The following OSBPL10 variants were observed in gnomAD, a reference collection of about 807,000 sequenced individuals.
OSBPL10 encodes oxysterol binding protein like 10.
A neutral mutation model predicts 81.7 loss-of-function variants in OSBPL10; 49 were observed. The observed-to-expected ratio is 0.60, with a 90% CI of 0.48 to 0.76. OSBPL10 has a LOEUF of 0.76. Among genes scored for constraint, OSBPL10 ranks in the 30% least tolerant of loss-of-function variants. OSBPL10 has a pLI of 0.00. For missense variants in OSBPL10, 923 were observed against 987.8 expected (o/e 0.93, Z 0.88); for synonymous variants, 419 against 383.6 (o/e 1.09, Z -1.08).
Position 32,035,898 on chromosome 3 carries a change from A to C in OSBPL10, n.298+10593T>G, listed in dbSNP as rs540668955. The stretch of plus-strand genomic sequence containing the variant: ...ACCATCACTACCATCTATCTCCAGA[A>C]CTGTTTTCATCTTCCCAAATTGAAA... On this transcript the variant is annotated intron_variant and non_coding_transcript_variant, in intron 2 of 3. Transcript: ENST00000479173. Among the ~76,000 whole-genome samples the C allele has an allele frequency of 3.9e-5, 6 of 152,224 alleles. No homozygotes were observed. In the East Asian group the frequency reaches 1.2e-3, roughly 29 times the overall value.
rs1317226488 is a variant in OSBPL10 at position 32,061,703 on chromosome 3, A to G, written n.186-15100T>C. On this transcript the variant is annotated intron_variant and non_coding_transcript_variant, in intron 1 of 3. Transcript: ENST00000479173. ...CAGGCTGGAGTACAGTGGCACAATG[A>G]TCACAGCTCACTGCAGCCTTGACCT... is the stretch of plus-strand genomic sequence containing the variant. Among the ~76,000 whole-genome samples the G allele has an allele frequency of 2.2e-5, 2 of 92,270 alleles. 1 individual carries two copies. The highest frequency in any genetic ancestry group is 5.6e-5 in the African/African-American group (2 of 35,884). 60.5% of individuals were successfully genotyped at this position (92,270 alleles called of 152,430 possible).
intron 1 of OSBPL10, among the ~76,000 whole-genome samples, chr3:32,068,344 G>T (rs998625451): frequency 2.6e-5 from 4 of 151,950 alleles, no homozygotes; most frequent in African/African-American, 7.3e-5. Flanking sequence ...ACATTCCCTT[G>T]GTGGCAAGTC....
chr3:32,014,240 A>G (rs1466053474), intron 2 of OSBPL10, among the ~76,000 whole-genome samples: 1 of 152,236 alleles, frequency 6.6e-6, no homozygotes, highest in African/African-American at 2.4e-5. Flanking sequence ...CAAAAAGCTT[A>G]TCCACCATGA....
At chr3:31,878,814 CATGTGTGTGTGTGTGTGT>C (rs1701547637) in intron 2 of OSBPL10, among the ~76,000 whole-genome samples, 1 of 104,734 alleles carries the variant, frequency 9.5e-6, no homozygotes, top group Non-Finnish European at 2.1e-5. Flanking sequence ...TCTGCGTGTC[CATGTGTGTGTGTGTGTGT>C]GTGTGTGTGT....
At chr3:31,670,299 A>G (rs1417607897) in intron 9 of OSBPL10, among the ~76,000 whole-genome samples, 1 of 152,254 alleles carries the variant, frequency 6.6e-6, no homozygotes, top group Non-Finnish European at 1.5e-5. Context: ...CTGCAGCAAT[A>G]AAAACAATTT....
At chr3:31,787,577 A>G (rs142482328) in intron 4 of OSBPL10, among the ~76,000 whole-genome samples, 13,726 of 146,436 alleles carry the variant, frequency 0.094, 862 homozygotes, top group African/African-American at 0.19. Context: ...CCTGGACGAC[A>G]GAGCAAGACT....
intron 8 of OSBPL10, among the ~76,000 whole-genome samples, chr3:31,675,945 C>CAAA (rs773575072): frequency 0.046 from 2,724 of 59,040 alleles, 71 homozygotes; most frequent in Non-Finnish European, 0.077. Context: ...GACTCCATCT[C>CAAA]AAAAAAAAAA....
intron 2 of OSBPL10, chr3:32,030,571 G>A: frequency 2.5e-6 from 2 of 816,160 alleles, no homozygotes; most frequent in Non-Finnish European, 4.4e-6. Context: ...ACGTACCTGG[G>A]TTCAACTGAA....
At chr3:32,012,737 G>T (rs765482387) in intron 2 of OSBPL10, among the ~76,000 whole-genome samples, 1 of 152,122 alleles carries the variant, frequency 6.6e-6, no homozygotes. Context: ...AAAATAAAGG[G>T]ATGGAGAAAG....
chr3:32,026,630 C>A (rs1192965702), intron 2 of OSBPL10, among the ~76,000 whole-genome samples: 1 of 152,178 alleles, frequency 6.6e-6, no homozygotes, highest in Non-Finnish European at 1.5e-5. Flanking sequence ...ACGCAGAAAA[C>A]CCTACCGTTA....
chr3:31,858,480 T>TAC (rs1575586578), intron 3 of OSBPL10, among the ~76,000 whole-genome samples: 1 of 152,148 alleles, frequency 6.6e-6, no homozygotes, highest in East Asian at 1.9e-4. Flanking sequence ...GAAAGCACAG[T>TAC]ACCCCTCACG....
intron 4 of OSBPL10, among the ~76,000 whole-genome samples, chr3:31,770,375 C>A (rs1698344563): frequency 6.6e-6 from 1 of 152,094 alleles, no homozygotes; most frequent in Non-Finnish European, 1.5e-5. Context: ...AAGCATTTAT[C>A]CTGTGTGGTC....
chr3:31,754,207 C>T (rs1697817222), intron 4 of OSBPL10, among the ~76,000 whole-genome samples: 1 of 152,152 alleles, frequency 6.6e-6, no homozygotes, highest in Non-Finnish European at 1.5e-5. Flanking sequence ...CCCCTGGGGA[C>T]ACTGCTCCTC....
At chr3:31,809,527 A>G (rs940483427) in intron 4 of OSBPL10, among the ~76,000 whole-genome samples, 24 of 152,344 alleles carry the variant, frequency 1.6e-4, no homozygotes, top group Admixed American at 1.6e-3. Flanking sequence ...ACTCCGAATA[A>G]AAGTGCCAGT....
At chr3:31,945,789 G>A (rs1256907270) in intron 1 of OSBPL10, among the ~76,000 whole-genome samples, 2 of 152,118 alleles carry the variant, frequency 1.3e-5, no homozygotes, top group African/African-American at 4.8e-5. Flanking sequence ...CCTGAGACCT[G>A]GAGAATATTT....
chr3:31,718,724 C>G (rs1301482979), intron 6 of OSBPL10: 1 of 152,138 alleles, frequency 6.6e-6, no homozygotes, highest in African/African-American at 2.4e-5. Context: ...ACTTTTCTGT[C>G]ATTAAGTGTT....
At chr3:31,972,325 G>A (rs1486341169) in intron 1 of OSBPL10, among the ~76,000 whole-genome samples, 2 of 152,226 alleles carry the variant, frequency 1.3e-5, no homozygotes, top group African/African-American at 4.8e-5. Context: ...GGAGGTGGAA[G>A]TTGCAGTGAG....
chr3:31,812,066 T>G (rs1699695487), intron 4 of OSBPL10, among the ~76,000 whole-genome samples: 1 of 152,212 alleles, frequency 6.6e-6, no homozygotes, highest in Admixed American at 6.5e-5. Context: ...TTGCTCTTGT[T>G]GCCCAGGCTG....
At chr3:31,805,178 T>C (rs1559472620) in intron 4 of OSBPL10, among the ~76,000 whole-genome samples, 1 of 152,172 alleles carries the variant, frequency 6.6e-6, no homozygotes, top group Non-Finnish European at 1.5e-5. Context: ...ACGGAAGGTA[T>C]TTCTGACTCC....
Sources: gnomAD v4.1 joint callset for allele counts (sites outside exome capture counted in the v4.1 genomes callset) on GRCh38, gnomAD v4.1.1 for gene constraint, MANE v1.5 for transcripts, NCBI Gene and HGNC (gene_info 2026-07-23, HGNC 2026-07-21) for gene names.